The following SLC41A2 variants were observed in gnomAD, a reference collection of about 807,000 sequenced individuals.
SLC41A2 encodes the protein SLC41A1-like 1.
A neutral mutation model predicts 58.3 loss-of-function variants in SLC41A2; 32 were observed. The observed-to-expected ratio is 0.55, with a 90% CI of 0.41 to 0.74. The LOEUF (loss-of-function observed/expected upper bound fraction) is 0.74, where lower values mean the gene tolerates loss of function less well. Ranked by LOEUF, SLC41A2 falls within the 30% of genes least tolerant of loss-of-function variation. The probability of loss-of-function intolerance (pLI) is 0.00; values close to 1 mark genes in which losing one functional copy is unlikely to be tolerated. For missense variants in SLC41A2, 514 were observed against 680.6 expected (o/e 0.76, Z 2.72); for synonymous variants, 190 against 235.0 (o/e 0.81, Z 1.75).
intron 10 of SLC41A2, among the ~76,000 whole-genome samples, chr12:104,809,512 GTCAAT>G (rs1239568232): frequency 6.6e-6 from 1 of 152,174 alleles, no homozygotes; most frequent in African/African-American, 2.4e-5. Context: ...TTTCCATGTG[GTCAAT>G]TCTTCATTAG....
chr12:104,911,330 T>C (rs971557869), intron 2 of SLC41A2, among the ~76,000 whole-genome samples: 9 of 152,176 alleles, frequency 5.9e-5, no homozygotes, highest in Non-Finnish European at 7.3e-5. Context: ...ATCCGTAACT[T>C]TGGCAAAATA....
Position 104,944,628 on chromosome 12 carries a change from T to C in SLC41A2, c.-168+13460A>G, listed in dbSNP as rs544487324. ...TTTATTCAAATACCAGTTTGTGAGT[T>C]TGTCTGTTTTCAAAAGAACTTTCTT... is the stretch of plus-strand genomic sequence containing the variant. On this transcript the variant is annotated intron_variant, in intron 1 of 10. Coordinates refer to ENST00000258538, the MANE Select transcript of SLC41A2 (RefSeq NM_001352171.3). Among the ~76,000 whole-genome samples, 5 of 152,272 alleles carry C rather than the reference T, an allele frequency of 3.3e-5. No individual in the cohort carries two copies. In the South Asian group the frequency reaches 1.0e-3, roughly 32 times the overall value.
chr12:104,905,859 C>T (rs959600806), intron 3 of SLC41A2, among the ~76,000 whole-genome samples: 2 of 152,234 alleles, frequency 1.3e-5, no homozygotes, highest in African/African-American at 4.8e-5. Context: ...GGCCCGCAAG[C>T]GCCGCACACA....
At chr12:104,914,368 C>T (rs2046220681) in intron 2 of SLC41A2, among the ~76,000 whole-genome samples, 1 of 152,146 alleles carries the variant, frequency 6.6e-6, no homozygotes, top group Non-Finnish European at 1.5e-5. Flanking sequence ...TTTGGCACTG[C>T]ATAACTTCTC....
intron 1 of SLC41A2, among the ~76,000 whole-genome samples, chr12:104,930,431 T>A (rs1452440376): frequency 6.6e-6 from 1 of 152,208 alleles, no homozygotes; most frequent in Non-Finnish European, 1.5e-5. Context: ...CAGCTTCACA[T>A]GAGTTAGATT....
At chr12:104,828,662 A>T (rs987735140) in intron 10 of SLC41A2, among the ~76,000 whole-genome samples, 15 of 152,246 alleles carry the variant, frequency 9.9e-5, no homozygotes, top group African/African-American at 3.4e-4. Context: ...TGTGAGGGGG[A>T]CAAGGAACGT....
intron 2 of SLC41A2, among the ~76,000 whole-genome samples, chr12:104,926,486 GC>G (rs1455553946): frequency 6.6e-6 from 1 of 151,946 alleles, no homozygotes; most frequent in Admixed American, 6.6e-5. Flanking sequence ...TACTCAGGAG[GC>G]TGAGGCAGGA....
chr12:104,875,965 C>A (rs561368765), intron 6 of SLC41A2, among the ~76,000 whole-genome samples: 1 of 152,090 alleles, frequency 6.6e-6, no homozygotes, highest in Non-Finnish European at 1.5e-5. Context: ...ACTTTAATAA[C>A]TATTTGTTAT....
chr12:104,917,091 T>A (rs1306314294), intron 2 of SLC41A2, among the ~76,000 whole-genome samples: 3 of 151,336 alleles, frequency 2.0e-5, no homozygotes, highest in Non-Finnish European at 1.5e-5. Context: ...AAAGGGCTAA[T>A]ATCCAGAATC....
At chr12:104,847,198 A>C (rs143126932) in intron 8 of SLC41A2, among the ~76,000 whole-genome samples, 2 of 152,272 alleles carry the variant, frequency 1.3e-5, no homozygotes, top group Admixed American at 1.3e-4. Flanking sequence ...ATATCATGCA[A>C]ACACTAAGGA....
At chr12:104,826,342 G>A (rs2041843387) in intron 10 of SLC41A2, among the ~76,000 whole-genome samples, 1 of 152,218 alleles carries the variant, frequency 6.6e-6, no homozygotes, top group African/African-American at 2.4e-5. Context: ...TTCTGTAGAT[G>A]CGAGGACAGA....
intron 7 of SLC41A2, among the ~76,000 whole-genome samples, chr12:104,861,620 G>C (rs1322890661): frequency 5.9e-5 from 9 of 152,118 alleles, no homozygotes; most frequent in African/African-American, 2.2e-4. Context: ...AAAAGAAAAA[G>C]CATACGCTTT....
In SLC41A2 at chr12:104,895,337, A is replaced by T. The variant is rs2045227336; in HGVS notation, c.672T>A (p.Ile224=). 2 of 1,612,260 alleles carry T rather than the reference A, an allele frequency of 1.2e-6. No individual in the cohort carries two copies. The highest frequency in any genetic ancestry group is 1.7e-6 in the Non-Finnish European group (2 of 1,178,728). ...TTTCAATGGGTGAATCCATCTTCCCAATATTTACCTGTTAAAGTGGATATT... is the reference window on the plus strand; with the variant it reads ...TTTCAATGGGTGAATCCATCTTCCCTATATTTACCTGTTAAAGTGGATATT... ...LASRLSTAVN[I]GKMDSPIEKW... The change falls in exon 4 of 11, where the codon ATT becomes ATA. Residue 224 remains isoleucine (I), a synonymous_variant. Transcript: ENST00000258538.
chr12:104,903,309 C>T (rs1813605731), intron 3 of SLC41A2, among the ~76,000 whole-genome samples: 1 of 152,200 alleles, frequency 6.6e-6, no homozygotes, highest in African/African-American at 2.4e-5. Context: ...CTGTTTAAAA[C>T]CTTCCATTGG....
intron 3 of SLC41A2, among the ~76,000 whole-genome samples, chr12:104,908,307 T>C (rs549563881): frequency 1.3e-5 from 2 of 152,272 alleles, no homozygotes; most frequent in South Asian, 2.1e-4. Flanking sequence ...TAATAAAACA[T>C]TATTTTATGC....
intron 2 of SLC41A2, among the ~76,000 whole-genome samples, chr12:104,915,593 T>C (rs1454520554): frequency 1.3e-5 from 2 of 152,242 alleles, no homozygotes; most frequent in African/African-American, 2.4e-5. Flanking sequence ...TGTATAAGAA[T>C]GCTTGTGATT....
chr12:104,830,876 T>C (rs2042012469), intron 10 of SLC41A2, among the ~76,000 whole-genome samples: 1 of 152,224 alleles, frequency 6.6e-6, no homozygotes, highest in African/African-American at 2.4e-5. Flanking sequence ...TCAAACTTCA[T>C]TTACTTTTAA....
chr12:104,899,138 A>C (rs1289104234), intron 3 of SLC41A2, among the ~76,000 whole-genome samples: 1 of 152,092 alleles, frequency 6.6e-6, no homozygotes, highest in Non-Finnish European at 1.5e-5. Context: ...TATAGTTACT[A>C]GTTCTCTTTT....
intron 2 of SLC41A2, among the ~76,000 whole-genome samples, chr12:104,925,093 G>A (rs1488086646): frequency 6.6e-6 from 1 of 152,148 alleles, no homozygotes; most frequent in Non-Finnish European, 1.5e-5. Flanking sequence ...GAAGGCACAA[G>A]GAGGACTAAA....
Sources: gnomAD v4.1 joint callset for allele counts (sites outside exome capture counted in the v4.1 genomes callset) on GRCh38, gnomAD v4.1.1 for gene constraint, MANE v1.5 for transcripts, NCBI Gene and HGNC (gene_info 2026-07-23, HGNC 2026-07-21) for gene names.